The following PAK6 variants were observed in gnomAD, a reference collection of about 807,000 sequenced individuals.
PAK6 encodes the protein serine/threonine-protein kinase PAK 6.
PAK6 carries 33 observed loss-of-function variants against 60.8 expected under a neutral mutation model. The observed-to-expected ratio is 0.54, with a 90% CI of 0.41 to 0.73. PAK6 has a LOEUF of 0.73. Ranked by LOEUF, PAK6 falls within the 30% of genes least tolerant of loss-of-function variation. The probability of loss-of-function intolerance (pLI) is 0.00; values close to 1 mark genes in which losing one functional copy is unlikely to be tolerated. For synonymous variants in PAK6, 404 were observed against 378.5 expected (o/e 1.07, Z -0.78); for missense variants, 845 against 904.1 (o/e 0.93, Z 0.84).
At chr15:40,257,983 G>A (rs377508770) in intron 3 of PAK6, among the ~76,000 whole-genome samples, 1 of 152,248 alleles carries the variant, frequency 6.6e-6, no homozygotes, top group Non-Finnish European at 1.5e-5. Context: ...CAGAGGGGCT[G>A]TGGATGCATC....
At chr15:40,248,839 G>T (rs762401053) in intron 2 of PAK6, among the ~76,000 whole-genome samples, 5 of 152,152 alleles carry the variant, frequency 3.3e-5, no homozygotes, top group African/African-American at 1.2e-4. Flanking sequence ...CCCACTGCCC[G>T]TTCAAACATT....
At chr15:40,248,231 A>T (rs571661122) in intron 2 of PAK6, among the ~76,000 whole-genome samples, 77 of 152,284 alleles carry the variant, frequency 5.1e-4, no homozygotes, top group Non-Finnish European at 7.6e-4. Flanking sequence ...TCACACTTCC[A>T]GATGCTCGGA....
intron 3 of PAK6, among the ~76,000 whole-genome samples, 162 bp downstream of exon 3, chr15:40,253,451 T>C (rs1284544868): frequency 6.6e-6 from 1 of 152,236 alleles, no homozygotes; most frequent in African/African-American, 2.4e-5. Flanking sequence ...TCTCGATCCT[T>C]AGTGGGTGCA....
At chr15:40,257,786 G>A (rs1054076205) in intron 3 of PAK6, among the ~76,000 whole-genome samples, 3 of 152,096 alleles carry the variant, frequency 2.0e-5, no homozygotes, top group African/African-American at 7.2e-5. Flanking sequence ...GGGAGGAGAC[G>A]TTGAGGAGGG....
chr15:40,260,890 AT>A (rs2038963648), intron 3 of PAK6, among the ~76,000 whole-genome samples: 1 of 116,784 alleles, frequency 8.6e-6, no homozygotes. Flanking sequence ...CTTTTTAAAA[AT>A]TTCATTTTTT....
chr15:40,265,583 G>A (rs2039102897), intron 4 of PAK6, among the ~76,000 whole-genome samples: 1 of 152,180 alleles, frequency 6.6e-6, no homozygotes, highest in Non-Finnish European at 1.5e-5. Context: ...TGGGCATGCT[G>A]GATGCAGCCC....
exon 6 of PAK6, chr15:40,272,543 C>G: frequency 6.2e-7 from 1 of 1,613,672 alleles, no homozygotes; most frequent in Non-Finnish European, 8.5e-7. Flanking sequence ...TTCAAGGCTG[C>G]GCTCAGGATG....
At chr15:40,256,973 T>C (rs1172935859) in intron 3 of PAK6, 1 of 152,220 alleles carries the variant, frequency 6.6e-6, no homozygotes, top group Non-Finnish European at 1.5e-5. Flanking sequence ...TACAAAAATG[T>C]CGAGGCCTAC....
At chr15:40,268,953 G>A (rs564747282) in intron 5 of PAK6, among the ~76,000 whole-genome samples, 19 of 152,212 alleles carry the variant, frequency 1.2e-4, no homozygotes, top group Admixed American at 3.3e-4. Flanking sequence ...AACCCACAGG[G>A]TTATGAGGAT....
chr15:40,266,687 C>A, intron 5 of PAK6, 192 bp downstream of exon 5: 1 of 516,796 alleles, frequency 1.9e-6, no homozygotes, highest in Non-Finnish European at 3.4e-6. Flanking sequence ...CCTTCCTTTC[C>A]TTCTTTTCTC....
exon 4 of PAK6, chr15:40,264,843 C>G: frequency 1.2e-6 from 2 of 1,614,018 alleles, no homozygotes; most frequent in Non-Finnish European, 1.7e-6. Flanking sequence ...GAACTTCCAG[C>G]ACCGTGTCCA....
At chr15:40,243,509 G>A (rs897501149) in intron 2 of PAK6, among the ~76,000 whole-genome samples, 11 of 152,180 alleles carry the variant, frequency 7.2e-5, no homozygotes, top group East Asian at 3.8e-4. Flanking sequence ...TGGCACATAC[G>A]TACATGTTCA....
intron 3 of PAK6, among the ~76,000 whole-genome samples, chr15:40,255,864 A>AG (rs1440977381): frequency 6.6e-6 from 1 of 152,160 alleles, no homozygotes; most frequent in Admixed American, 6.5e-5. Flanking sequence ...CTTTGGGCCA[A>AG]GGGGAAGGTC....
intron 3 of PAK6, among the ~76,000 whole-genome samples, chr15:40,263,453 G>A (rs117899716): frequency 1.3e-5 from 2 of 152,062 alleles, no homozygotes; most frequent in Admixed American, 6.5e-5. Flanking sequence ...CAACCCTTTG[G>A]AAGTGTCCCT....
At chr15:40,268,219 C>A (rs190521938) in intron 5 of PAK6, among the ~76,000 whole-genome samples, 3 of 152,298 alleles carry the variant, frequency 2.0e-5, no homozygotes, top group Admixed American at 2.0e-4. Context: ...TGAAGCCAAG[C>A]CTCTCAATGG....
At position 40,274,179 on chromosome 15, in the gene PAK6, T is replaced by C. The variant is rs147489955; in HGVS notation, c.1781T>C (p.Met594Thr). ...TCTCTGGGCATCATGGTGATTGAGA[T>C]GGTAGATGGGGAGCCACCGTACTTC... Residue 594 changes from methionine (M) to threonine (T), a missense_variant, in exon 10 of 11, where the codon ATG becomes ACG. Coordinates refer to ENST00000560346, the Ensembl canonical transcript of PAK6. 7 of 1,613,952 alleles carry C rather than the reference T, an allele frequency of 4.3e-6. No individual in the cohort carries two copies. In the African/African-American group the frequency reaches 6.7e-5, roughly 15 times the overall value.
rs200429138 is a variant in PAK6 at position 40,272,961 on chromosome 15, G to A, written c.1452G>A (p.Leu484=). ...AGCTGTGGGTGCTCATGGAGTTCCT[G>A]CAGGGAGGAGCCCTCACAGACATCG... The change falls in exon 7 of 11, where the codon CTG becomes CTA. Residue 484 remains leucine (L), a synonymous_variant. Transcript: ENST00000560346. The A allele has an allele frequency of 3.1e-6, 5 of 1,614,000 alleles. No individual in the cohort carries two copies. In the East Asian group the frequency reaches 1.1e-4, roughly 36 times the overall value.
At chr15:40,242,188 G>C (rs568908664) in intron 2 of PAK6, among the ~76,000 whole-genome samples, 1 of 152,308 alleles carries the variant, frequency 6.6e-6, no homozygotes, top group East Asian at 1.9e-4. Flanking sequence ...GAGGACTCCA[G>C]ACAGCTGGCC....
At chr15:40,266,489 G>C (rs1465034116) in exon 5 of PAK6, 3 of 1,601,450 alleles carry the variant, frequency 1.9e-6, no homozygotes, top group Non-Finnish European at 1.7e-6. Flanking sequence ...CTCCACCACA[G>C]AGCAAGGTAA....
Sources: gnomAD v4.1 joint callset for allele counts (sites outside exome capture counted in the v4.1 genomes callset) on GRCh38, gnomAD v4.1.1 for gene constraint, MANE v1.5 for transcripts, NCBI Gene and HGNC (gene_info 2026-07-23, HGNC 2026-07-21) for gene names.